The following KCNQ5 variants were observed in gnomAD, a reference collection of about 807,000 sequenced individuals.
KCNQ5 encodes the protein potassium voltage-gated channel subfamily Q member 5.
In KCNQ5, 30 loss-of-function variants were observed where a neutral mutation model predicts 98.2. That is an observed-to-expected ratio of 0.31 (90% CI 0.23 to 0.41). The LOEUF (loss-of-function observed/expected upper bound fraction) is 0.41, where lower values mean the gene tolerates loss of function less well. Ranked by LOEUF, KCNQ5 falls within the 10% of genes least tolerant of loss-of-function variation. The pLI, the probability that KCNQ5 is intolerant of heterozygous loss-of-function variation, is 1.00. For synonymous variants in KCNQ5, 458 were observed against 449.4 expected (o/e 1.02, Z -0.24); for missense variants, 835 against 1,182.5 (o/e 0.71, Z 4.31).
chr6:72,803,590 G>A (rs1260978545), intron 1 of KCNQ5, among the ~76,000 whole-genome samples: 1 of 152,126 alleles, frequency 6.6e-6, no homozygotes, highest in African/African-American at 2.4e-5. Context: ...CAGAACTCTG[G>A]AGGTTTGGCG....
chr6:73,170,194 T>C (rs117008345), intron 11 of KCNQ5, among the ~76,000 whole-genome samples: 23 of 152,336 alleles, frequency 1.5e-4, no homozygotes, highest in South Asian at 4.1e-4. Context: ...CTTGCTCCAA[T>C]CTGTATTCTG....
intron 1 of KCNQ5, among the ~76,000 whole-genome samples, chr6:72,777,888 A>G (rs547572155): frequency 6.6e-6 from 1 of 152,340 alleles, no homozygotes; most frequent in Admixed American, 6.5e-5. Context: ...GAATGTATGA[A>G]GAGGATCAAG....
At chr6:72,815,660 CA>C (rs1775473273) in intron 1 of KCNQ5, among the ~76,000 whole-genome samples, 1 of 152,176 alleles carries the variant, frequency 6.6e-6, no homozygotes, top group Admixed American at 6.5e-5. Flanking sequence ...GTAGCATGAT[CA>C]GATTTAAGCG....
intron 3 of KCNQ5, among the ~76,000 whole-genome samples, chr6:73,062,641 C>A (rs1330533025): frequency 6.6e-6 from 1 of 152,104 alleles, no homozygotes; most frequent in African/African-American, 2.4e-5. Context: ...CCTCAGTTAT[C>A]AGAGGTTTTC....
At position 73,012,144 on chromosome 6, in the gene KCNQ5, G is replaced by A. The variant is rs1014266231; in HGVS notation, c.489+8146G>A. On this transcript the variant is annotated intron_variant, in intron 2 of 13. Transcript: ENST00000370398. ...TGTATGCCAAAAACACTGACGGCAA[G>A]GTCTCAAAGAGATGTGTACACCCAT... Among the ~76,000 whole-genome samples the A allele has an allele frequency of 2.0e-5, 3 of 152,160 alleles. No homozygotes were observed. The South Asian group carries it at 6.2e-4, about 32-fold the overall frequency.
chr6:73,180,245 C>G (rs1459800935), intron 11 of KCNQ5, among the ~76,000 whole-genome samples: 1 of 152,156 alleles, frequency 6.6e-6, no homozygotes, highest in Non-Finnish European at 1.5e-5. Context: ...TGCCAGCGCC[C>G]AGCAGTTAAC....
intron 3 of KCNQ5, chr6:73,055,997 A>G: frequency 2.6e-6 from 1 of 384,682 alleles, no homozygotes; most frequent in Admixed American, 3.6e-5. Context: ...CATTTTAGCC[A>G]TTTTGTCTTC....
At chr6:72,993,947 G>T (rs1404211711) in intron 1 of KCNQ5, among the ~76,000 whole-genome samples, 1 of 97,936 alleles carries the variant, frequency 1.0e-5, no homozygotes, top group Non-Finnish European at 1.9e-5. Context: ...CCCCTGCTGG[G>T]GGGTTCCTCC....
At chr6:73,128,323 G>A (rs1000646036) in intron 9 of KCNQ5, among the ~76,000 whole-genome samples, 2 of 152,056 alleles carry the variant, frequency 1.3e-5, no homozygotes, top group Non-Finnish European at 2.9e-5. Context: ...TATATGTGGT[G>A]GTAAATGTGT....
chr6:72,638,308 C>G (rs1167213667), intron 1 of KCNQ5, among the ~76,000 whole-genome samples: 1 of 152,090 alleles, frequency 6.6e-6, no homozygotes, highest in African/African-American at 2.4e-5. Context: ...GGTTCCAGAT[C>G]TTTTACATCT....
chr6:72,664,813 T>C (rs572394223), intron 1 of KCNQ5, among the ~76,000 whole-genome samples: 40 of 152,336 alleles, frequency 2.6e-4, no homozygotes, highest in Admixed American at 1.0e-3. Flanking sequence ...AGGAATTTCA[T>C]TGGGATAATG....
At chr6:72,652,992 AG>A (rs1182195603) in intron 1 of KCNQ5, among the ~76,000 whole-genome samples, 2 of 152,120 alleles carry the variant, frequency 1.3e-5, no homozygotes, top group African/African-American at 4.8e-5. Flanking sequence ...TCCCTATTTC[AG>A]TTGGTACCAT....
intron 1 of KCNQ5, among the ~76,000 whole-genome samples, chr6:72,985,846 A>T (rs1768747578): frequency 6.6e-6 from 1 of 152,222 alleles, no homozygotes. Flanking sequence ...TACACCAAAA[A>T]GACATATGTA....
intron 1 of KCNQ5, among the ~76,000 whole-genome samples, chr6:72,648,921 A>T (rs1352032389): frequency 2.0e-5 from 3 of 152,088 alleles, no homozygotes; most frequent in Admixed American, 6.6e-5. Flanking sequence ...ATGTTCAGTT[A>T]ATCTACCAAA....
chr6:72,791,168 A>C (rs1001150048), intron 1 of KCNQ5, among the ~76,000 whole-genome samples: 2 of 152,202 alleles, frequency 1.3e-5, no homozygotes, highest in African/African-American at 4.8e-5. Flanking sequence ...AAAGCTGAGA[A>C]AGAGCCAGCC....
chr6:72,863,823 A>G (rs1213006588), intron 1 of KCNQ5, among the ~76,000 whole-genome samples: 1 of 152,246 alleles, frequency 6.6e-6, no homozygotes, highest in Non-Finnish European at 1.5e-5. Flanking sequence ...TCCAAAAATT[A>G]CAGCTGAAAA....
At chr6:72,770,800 G>T (rs1052639594) in intron 1 of KCNQ5, among the ~76,000 whole-genome samples, 1 of 152,062 alleles carries the variant, frequency 6.6e-6, no homozygotes, top group African/African-American at 2.4e-5. Flanking sequence ...GGATTCCATT[G>T]TGTATACAAT....
At chr6:72,763,914 T>C (rs1474916998) in intron 1 of KCNQ5, among the ~76,000 whole-genome samples, 2 of 151,990 alleles carry the variant, frequency 1.3e-5, no homozygotes, top group South Asian at 2.1e-4. Flanking sequence ...ATGTAATCCC[T>C]TTTCACTTTT....
intron 1 of KCNQ5, among the ~76,000 whole-genome samples, chr6:72,799,132 A>G (rs1774498302): frequency 6.6e-6 from 1 of 152,088 alleles, no homozygotes; most frequent in East Asian, 1.9e-4. Flanking sequence ...CTTTCAAGGA[A>G]TTTGCTTGCT....
Sources: allele counts gnomAD v4.1 joint callset (sites outside exome capture counted in the v4.1 genomes callset), GRCh38; gene constraint gnomAD v4.1.1; transcripts MANE v1.5; gene names NCBI Gene and HGNC (gene_info 2026-07-23, HGNC 2026-07-21).